SORCS1: variants seen among roughly 807,000 people sequenced by gnomAD.
SORCS1 encodes the protein sortilin related VPS10 domain containing receptor 1.
SORCS1 carries 60 observed loss-of-function variants against 146.1 expected under a neutral mutation model. That is an observed-to-expected ratio of 0.41 (90% CI 0.33 to 0.51). The LOEUF (loss-of-function observed/expected upper bound fraction) is 0.51. Among genes scored for constraint, SORCS1 ranks in the 20% least tolerant of loss-of-function variants. SORCS1 has a pLI of 0.21. For missense variants in SORCS1, 1,352 were observed against 1,487.6 expected (o/e 0.91, Z 1.50); for synonymous variants, 637 against 584.0 (o/e 1.09, Z -1.31).
At chr10:106,993,618 A>G (rs1956863725) in intron 1 of SORCS1, among the ~76,000 whole-genome samples, 1 of 152,206 alleles carries the variant, frequency 6.6e-6, no homozygotes. Context: ...AGCTCAAATC[A>G]GGTACAGTAT....
At chr10:106,992,653 C>T (rs1956811601) in intron 1 of SORCS1, among the ~76,000 whole-genome samples, 1 of 151,416 alleles carries the variant, frequency 6.6e-6, no homozygotes, top group Non-Finnish European at 1.5e-5. Flanking sequence ...CACCATCACA[C>T]CTGGCTAATT....
intron 2 of SORCS1, among the ~76,000 whole-genome samples, chr10:106,835,525 C>T (rs943283824): frequency 3.3e-5 from 5 of 152,092 alleles, no homozygotes; most frequent in African/African-American, 1.2e-4. Flanking sequence ...AAAGCAATTA[C>T]AACATTTTAA....
At chr10:107,030,039 T>C (rs976915493) in intron 1 of SORCS1, among the ~76,000 whole-genome samples, 1 of 152,108 alleles carries the variant, frequency 6.6e-6, no homozygotes, top group Non-Finnish European at 1.5e-5. Context: ...CAGTGCCATG[T>C]CGCACAATAA....
intron 2 of SORCS1, among the ~76,000 whole-genome samples, chr10:106,929,981 G>A (rs969724091): frequency 6.6e-5 from 10 of 152,186 alleles, no homozygotes; most frequent in East Asian, 1.9e-4. Flanking sequence ...GCGCAGTGGC[G>A]CATGCCTGTA....
chr10:106,959,358 C>A (rs181552441), intron 1 of SORCS1, among the ~76,000 whole-genome samples: 1 of 152,356 alleles, frequency 6.6e-6, no homozygotes, highest in African/African-American at 2.4e-5. Context: ...GAAGGCACAA[C>A]TGCTAACCTT....
At chr10:107,000,831 G>A (rs1257506603) in intron 1 of SORCS1, among the ~76,000 whole-genome samples, 1 of 152,150 alleles carries the variant, frequency 6.6e-6, no homozygotes, top group Non-Finnish European at 1.5e-5. Context: ...GAGACTAGGG[G>A]TGAGGGGAAG....
chr10:106,639,975 G>A (rs756017326), intron 18 of SORCS1, among the ~76,000 whole-genome samples: 15 of 151,766 alleles, frequency 9.9e-5, no homozygotes, highest in African/African-American at 1.5e-4. Flanking sequence ...CCAAGATCAC[G>A]CCAATGCACT....
At chr10:106,631,229 T>A (rs546767993) in intron 18 of SORCS1, among the ~76,000 whole-genome samples, 50 of 152,302 alleles carry the variant, frequency 3.3e-4, no homozygotes, top group Non-Finnish European at 4.9e-4. Flanking sequence ...ACTCAATAAG[T>A]ACATAGGCAC....
At chr10:107,039,292 C>T (rs1467216807) in intron 1 of SORCS1, among the ~76,000 whole-genome samples, 1 of 142,496 alleles carries the variant, frequency 7.0e-6, no homozygotes, top group African/African-American at 2.6e-5. Context: ...CGCGTCACTG[C>T]ACTCCAGCCT....
At chr10:106,615,523 T>C (rs1242802241) in intron 21 of SORCS1, among the ~76,000 whole-genome samples, 3 of 152,176 alleles carry the variant, frequency 2.0e-5, no homozygotes, top group Non-Finnish European at 4.4e-5. Context: ...TAAAACTGTC[T>C]GATCATGGAA....
chr10:106,679,237 A>G lies in SORCS1; in HGVS notation c.1740+19T>C. The G allele has an allele frequency of 1.3e-6, 2 of 1,596,416 alleles. No homozygotes were observed. Among genetic ancestry groups the G allele is most frequent in the South Asian group, 1.1e-5 (1 of 88,288 alleles). On this transcript the variant is annotated intron_variant, in intron 12 of 25. Coordinates refer to ENST00000263054, the MANE Select transcript of SORCS1 (RefSeq NM_052918.5). ...ATGTTACTTAAACTTCAGCGATTTG[A>G]CCCAGGGTATTTTCTTACCTGTCTC... is the stretch of plus-strand genomic sequence containing the variant.
chr10:106,895,478 G>T (rs991231852), intron 2 of SORCS1, among the ~76,000 whole-genome samples: 10 of 152,238 alleles, frequency 6.6e-5, no homozygotes, highest in African/African-American at 2.4e-4. Context: ...GGGCATGGTG[G>T]CGTGCACCTG....
intron 18 of SORCS1, among the ~76,000 whole-genome samples, chr10:106,650,716 G>A (rs980661852): frequency 6.6e-6 from 1 of 152,132 alleles, no homozygotes; most frequent in Non-Finnish European, 1.5e-5. Context: ...CCTCTATAGT[G>A]TGGCATATAA....
intron 1 of SORCS1, among the ~76,000 whole-genome samples, chr10:107,130,218 C>G (rs1466965800): frequency 1.3e-5 from 2 of 152,120 alleles, no homozygotes; most frequent in Non-Finnish European, 2.9e-5. Context: ...CCTAGTCACT[C>G]TAGTGTCCTT....
At chr10:106,823,370 A>T (rs963885077) in intron 3 of SORCS1, among the ~76,000 whole-genome samples, 2 of 152,230 alleles carry the variant, frequency 1.3e-5, no homozygotes, top group African/African-American at 4.8e-5. Context: ...CCTAGAAATG[A>T]CTAAAACCTA....
chr10:106,831,056 G>T (rs1318572033), intron 2 of SORCS1, among the ~76,000 whole-genome samples: 3 of 152,052 alleles, frequency 2.0e-5, no homozygotes, highest in Non-Finnish European at 4.4e-5. Flanking sequence ...AGCCAAGCAT[G>T]GTGGCAGTCG....
chr10:106,607,127 G>GGAGTTT, intron 23 of SORCS1, 39 bp downstream of exon 23: 2 of 1,608,552 alleles, frequency 1.2e-6, no homozygotes, highest in East Asian at 4.5e-5. Flanking sequence ...CTCCACAAAC[G>GGAGTTT]GTTGAAGCTG....
intron 1 of SORCS1, among the ~76,000 whole-genome samples, chr10:107,056,148 G>A (rs11193188): frequency 0.15 from 22,857 of 152,104 alleles, 2,333 homozygotes; most frequent in East Asian, 0.41. Flanking sequence ...CACAATAAAC[G>A]TCCTATCAAC....
chr10:106,958,014 C>T (rs892726185), intron 1 of SORCS1, among the ~76,000 whole-genome samples: 2 of 152,180 alleles, frequency 1.3e-5, no homozygotes, highest in African/African-American at 4.8e-5. Flanking sequence ...CCTTCTCAGT[C>T]ACACCAAAAC....
Sources: allele counts gnomAD v4.1 joint callset (sites outside exome capture counted in the v4.1 genomes callset), GRCh38; gene constraint gnomAD v4.1.1; transcripts MANE v1.5; gene names NCBI Gene and HGNC (gene_info 2026-07-23, HGNC 2026-07-21).